The following PCDH15 variants were observed in gnomAD, a reference collection of about 807,000 sequenced individuals.
The protein encoded by PCDH15 is protocadherin related 15.
PCDH15 carries 129 observed loss-of-function variants against 178.5 expected under a neutral mutation model. The ratio of observed to expected loss-of-function variants is 0.72; its 90% CI spans 0.63 to 0.84. The LOEUF is 0.84. Among genes scored for constraint, PCDH15 ranks in the 40% least tolerant of loss-of-function variants. The pLI, the probability that PCDH15 is intolerant of heterozygous loss-of-function variation, is 0.00. For synonymous variants in PCDH15, 800 were observed against 732.0 expected, an observed-to-expected ratio of 1.09 and a Z score of -1.50; for missense variants, 2,230 against 2,099.9, an observed-to-expected ratio of 1.06 and a Z score of -1.21.
intron 15 of PCDH15, among the ~76,000 whole-genome samples, chr10:54,098,904 A>C (rs1365762976): frequency 1.3e-5 from 2 of 152,208 alleles, no homozygotes; most frequent in Non-Finnish European, 2.9e-5. Context: ...TCTTCATGAT[A>C]CAGCTCTTGT....
intron 1 of PCDH15, among the ~76,000 whole-genome samples, chr10:55,171,054 G>A (rs1424554867): frequency 1.3e-5 from 2 of 151,934 alleles, no homozygotes; most frequent in East Asian, 3.9e-4. Context: ...AATGCCCTAG[G>A]GCACTGACCT....
At chr10:55,253,666 C>T (rs1352343823) in intron 1 of PCDH15, among the ~76,000 whole-genome samples, 2 of 151,844 alleles carry the variant, frequency 1.3e-5, no homozygotes, top group Admixed American at 6.6e-5. Context: ...ACATATAAAC[C>T]TATTCTTGTA....
chr10:54,889,368 A>G (rs984879491), intron 3 of PCDH15, among the ~76,000 whole-genome samples: 6 of 151,672 alleles, frequency 4.0e-5, no homozygotes, highest in Admixed American at 1.3e-4. Flanking sequence ...CCTTATTATC[A>G]ATAGCATAAT....
intron 2 of PCDH15, among the ~76,000 whole-genome samples, chr10:55,398,277 G>T (rs1161684570): frequency 1.3e-5 from 2 of 152,030 alleles, no homozygotes; most frequent in African/African-American, 4.8e-5. Flanking sequence ...AACATGAGAG[G>T]CAAGAAAGTG....
intron 9 of PCDH15, among the ~76,000 whole-genome samples, chr10:54,222,466 A>G (rs1400814861): frequency 4.6e-5 from 7 of 152,226 alleles, no homozygotes. Flanking sequence ...CTTTCAACTC[A>G]GTATAAAGCA....
At chr10:54,691,636 C>T (rs1228680935) in intron 1 of PCDH15, among the ~76,000 whole-genome samples, 9 of 151,804 alleles carry the variant, frequency 5.9e-5, no homozygotes, top group Non-Finnish European at 1.2e-4. Context: ...ACTCTTCAGC[C>T]ACACATCGTC....
At chr10:54,339,259 T>G (rs948092614) in intron 6 of PCDH15, among the ~76,000 whole-genome samples, 1 of 152,200 alleles carries the variant, frequency 6.6e-6, no homozygotes, top group Non-Finnish European at 1.5e-5. Context: ...CAATTCTTTT[T>G]CTTCCAGTGT....
intron 2 of PCDH15, among the ~76,000 whole-genome samples, chr10:55,126,863 A>T (rs1405068062): frequency 6.6e-6 from 1 of 151,692 alleles, no homozygotes; most frequent in Non-Finnish European, 1.5e-5. Context: ...TAGTTTTCCT[A>T]CAATTGCCTT....
chr10:55,373,142 A>G (rs1416829596), intron 2 of PCDH15, among the ~76,000 whole-genome samples: 2 of 152,152 alleles, frequency 1.3e-5, no homozygotes, highest in Admixed American at 6.6e-5. Flanking sequence ...TATGTTGAAA[A>G]TTCTAAAGAA....
chr10:55,189,940 T>A (rs1839899357), intron 1 of PCDH15, among the ~76,000 whole-genome samples: 1 of 151,696 alleles, frequency 6.6e-6, no homozygotes, highest in African/African-American at 2.4e-5. Flanking sequence ...ACACAAGAAA[T>A]GGAGTGCATA....
intron 2 of PCDH15, among the ~76,000 whole-genome samples, chr10:54,594,253 G>A (rs1195193406): frequency 6.6e-6 from 1 of 152,158 alleles, no homozygotes; most frequent in Non-Finnish European, 1.5e-5. Flanking sequence ...AGAGCCCATG[G>A]GGTTTGGTGC....
intron 2 of PCDH15, among the ~76,000 whole-genome samples, chr10:54,945,686 C>T (rs1354375786): frequency 6.6e-6 from 1 of 151,614 alleles, no homozygotes; most frequent in African/African-American, 2.4e-5. Context: ...CTAAAATGGC[C>T]ATCCAAGCAG....
chr10:55,615,735 C>G (rs1438904319), intron 2 of PCDH15, among the ~76,000 whole-genome samples: 1 of 151,970 alleles, frequency 6.6e-6, no homozygotes, highest in East Asian at 1.9e-4. Flanking sequence ...TAAAAAATGC[C>G]AGTCATAGTG....
rs2132041602 is a variant in PCDH15 at position 55,417,706 on chromosome 10, A to G, written c.-156+209919T>C. Among the ~76,000 whole-genome samples the G allele has an allele frequency of 1.3e-5, 2 of 151,264 alleles. 1 individual carries two copies. The highest frequency in any genetic ancestry group is 3.9e-4 in the East Asian group (2 of 5,128). On this transcript the variant is annotated intron_variant, in intron 2 of 5. Coordinates refer to the PCDH15 transcript ENST00000613346. The stretch of plus-strand genomic sequence containing the variant: ...AAACAGACAAGGACTCAGAAAATTT[A>G]TTTGCTGGGATCCATTTTTAAAGTC...
intron 25 of PCDH15, among the ~76,000 whole-genome samples, chr10:53,922,771 A>G (rs190744060): frequency 6.6e-6 from 1 of 152,278 alleles, no homozygotes; most frequent in Non-Finnish European, 1.5e-5. Context: ...AAAGTATCCA[A>G]CTTTCTTGTG....
intron 2 of PCDH15, among the ~76,000 whole-genome samples, chr10:55,040,059 T>C (rs900537835): frequency 6.6e-6 from 1 of 151,954 alleles, no homozygotes; most frequent in Non-Finnish European, 1.5e-5. Flanking sequence ...AGAAAAAATA[T>C]ATTAAATTAT....
At chr10:55,000,525 A>G (rs1380002270) in intron 2 of PCDH15, among the ~76,000 whole-genome samples, 2 of 152,136 alleles carry the variant, frequency 1.3e-5, no homozygotes, top group Non-Finnish European at 1.5e-5. Flanking sequence ...CAATCATCAC[A>G]GGGTCCTGAG....
intron 1 of PCDH15, among the ~76,000 whole-genome samples, chr10:55,179,471 C>A (rs1277745415): frequency 6.6e-6 from 1 of 151,988 alleles, no homozygotes; most frequent in Admixed American, 6.6e-5. Flanking sequence ...CCCACTCTCC[C>A]TCAATTTGTT....
intron 3 of PCDH15, among the ~76,000 whole-genome samples, chr10:54,527,008 T>G (rs1157053333): frequency 6.6e-6 from 1 of 152,098 alleles, no homozygotes; most frequent in Non-Finnish European, 1.5e-5. Flanking sequence ...GAACAAATAT[T>G]AGGTACAAGC....
Sources: allele counts gnomAD v4.1 joint callset (sites outside exome capture counted in the v4.1 genomes callset), GRCh38; gene constraint gnomAD v4.1.1; transcripts MANE v1.5; gene names NCBI Gene and HGNC (gene_info 2026-07-23, HGNC 2026-07-21).